AEBP2: variants seen among roughly 807,000 people sequenced by gnomAD.
AEBP2 encodes the protein AE binding protein 2, also known as zinc finger protein AEBP2.
A neutral mutation model predicts 50.8 loss-of-function variants in AEBP2; 10 were observed. That is an observed-to-expected ratio of 0.20 (90% CI 0.12 to 0.33). The LOEUF (loss-of-function observed/expected upper bound fraction) is 0.33. Ranked by LOEUF, AEBP2 falls within the 10% of genes least tolerant of loss-of-function variation. The pLI is 1.00. For missense variants in AEBP2, 570 were observed against 688.0 expected (o/e 0.83, Z 1.92); for synonymous variants, 296 against 261.3 (o/e 1.13, Z -1.28).
At chr12:19,504,475 T>A (rs1368507030) in intron 5 of AEBP2, among the ~76,000 whole-genome samples, 1 of 151,786 alleles carries the variant, frequency 6.6e-6, no homozygotes, top group Non-Finnish European at 1.5e-5. Flanking sequence ...CTCCTGACCT[T>A]GTGATCCACC....
intron 2 of AEBP2, among the ~76,000 whole-genome samples, chr12:19,467,465 TG>T (rs1431389068): frequency 1.3e-5 from 2 of 152,102 alleles, no homozygotes; most frequent in Admixed American, 6.5e-5. Context: ...GACTTACTTT[TG>T]TATTTTTAGT....
chr12:19,509,062 T>G (rs748205201), intron 5 of AEBP2: 1 of 582,594 alleles, frequency 1.7e-6, no homozygotes, highest in Non-Finnish European at 3.2e-6. Flanking sequence ...CAGGCAGACA[T>G]GGAGGGGTTC....
intron 2 of AEBP2, among the ~76,000 whole-genome samples, chr12:19,467,740 ATTACTG>A (rs1948503540): frequency 1.3e-5 from 2 of 152,188 alleles, no homozygotes; most frequent in Admixed American, 6.5e-5. Flanking sequence ...TGTAAAATAT[ATTACTG>A]TTCTTTCTTA....
chr12:19,440,344 C>G lies in AEBP2; in HGVS notation c.645C>G (p.Pro215=). The change falls in exon 1 of 8, where the codon CCC becomes CCG. Residue 215 remains proline, a synonymous_variant. Coordinates refer to ENST00000266508, the MANE Select transcript of AEBP2 (RefSeq NM_153207.5). ...GSLEMSSDGE[P]LSRMDSEDSI... Reference sequence around the variant, plus strand: ...TGGAGATGTCGTCGGATGGGGAACCCCTGAGCCGCATGGACTCGGAGGACA... The same window carrying G: ...TGGAGATGTCGTCGGATGGGGAACCGCTGAGCCGCATGGACTCGGAGGACA... 1 of 1,470,740 alleles carries G rather than the reference C, an allele frequency of 6.8e-7. No individual in the cohort carries two copies. The highest frequency in any genetic ancestry group is 8.9e-7 in the Non-Finnish European group (1 of 1,118,708). The allele number at this position is 1,470,740 out of a possible 1,614,324, so 91.1% of individuals were successfully genotyped here.
chr12:19,458,586 C>T (rs925673641), intron 1 of AEBP2, among the ~76,000 whole-genome samples: 1 of 152,088 alleles, frequency 6.6e-6, no homozygotes, highest in East Asian at 1.9e-4. Flanking sequence ...CAATGATTAC[C>T]GTTACCAGAT....
intron 4 of AEBP2, among the ~76,000 whole-genome samples, chr12:19,497,328 G>GATTTTTTTTTT (rs1555186666): frequency 1.3e-5 from 1 of 78,708 alleles, no homozygotes; most frequent in African/African-American, 5.1e-5. Flanking sequence ...TTCCAAAGGT[G>GATTTTTTTTTT]TTTTTTTTTT....
intron 1 of AEBP2, among the ~76,000 whole-genome samples, chr12:19,458,117 A>G (rs1245291986): frequency 1.3e-5 from 2 of 152,228 alleles, no homozygotes; most frequent in Non-Finnish European, 2.9e-5. Context: ...AACGTATTAT[A>G]GGAGGAAGGG....
intron 1 of AEBP2, chr12:19,456,701 A>C (rs1948274861): frequency 6.3e-7 from 1 of 1,581,550 alleles, no homozygotes; most frequent in African/African-American, 1.3e-5. Flanking sequence ...CATTCTTGAC[A>C]TTGAAGCCCA....
chr12:19,479,660 T>G (rs554739051), intron 3 of AEBP2, among the ~76,000 whole-genome samples: 1 of 151,796 alleles, frequency 6.6e-6, no homozygotes, highest in East Asian at 1.9e-4. Flanking sequence ...TATTTAGGAT[T>G]GTTATTTTCC....
intron 3 of AEBP2, among the ~76,000 whole-genome samples, chr12:19,485,948 C>CTTTT (rs60355570): frequency 4.4e-5 from 4 of 91,214 alleles, no homozygotes; most frequent in African/African-American, 8.1e-5. Context: ...TGAGCCTCTG[C>CTTTT]TTTTTTTTTT....
rs1354498715 is a variant in AEBP2, at chr12:19,439,570, G to C, written c.-130G>C. 4 of 1,237,246 alleles carry C rather than the reference G, an allele frequency of 3.2e-6. No individual in the cohort carries two copies. Among genetic ancestry groups the C allele is most frequent in the African/African-American group, 1.6e-5 (1 of 62,352 alleles). 76.6% of individuals were successfully genotyped at this position (1,237,246 alleles called of 1,614,324 possible). A position where few individuals can be genotyped will look rare whatever the true frequency, so the allele number is the denominator to read the frequency against. On this transcript the variant is annotated 5_prime_UTR_variant, in exon 1 of 8. Transcript: ENST00000266508. ...GCGCGTGTGCAGGCTGACGCAGCTC[G>C]CGGGCCCTCCTCCTGCTCTGCAGCG...
At chr12:19,479,352 A>G (rs1948693670) in intron 3 of AEBP2, among the ~76,000 whole-genome samples, 1 of 152,064 alleles carries the variant, frequency 6.6e-6, no homozygotes, top group African/African-American at 2.4e-5. Flanking sequence ...GAAGTCCCCC[A>G]CTATTATTTG....
chr12:19,481,187 G>A (rs950180828), intron 3 of AEBP2, among the ~76,000 whole-genome samples: 3 of 129,706 alleles, frequency 2.3e-5, no homozygotes, highest in African/African-American at 5.8e-5. Context: ...TTCAACCTCC[G>A]CCTTCCAGGT....
chr12:19,439,960 C>A lies in AEBP2; in HGVS notation c.261C>A (p.Pro87=). The A allele has an allele frequency of 2.6e-6, 4 of 1,517,938 alleles. No homozygotes were observed. Among genetic ancestry groups the A allele is most frequent in the South Asian group, 1.2e-5 (1 of 83,130 alleles). 94.0% of individuals were successfully genotyped at this position (1,517,938 alleles called of 1,614,324 possible). ...GEAETMSEPS[P]ESASQAGEDE... ...CAGAGACGATGTCGGAGCCGAGCCC[C>A]GAGAGCGCCAGCCAGGCCGGGGAGG... The change falls in exon 1 of 8, where the codon CCC becomes CCA. Residue 87 remains proline, a synonymous_variant. Coordinates refer to ENST00000266508, the MANE Select transcript of AEBP2 (RefSeq NM_153207.5).
chr12:19,423,427 A>T (rs2095746900), intron 1 of AEBP2, among the ~76,000 whole-genome samples: 1 of 152,192 alleles, frequency 6.6e-6, no homozygotes, highest in East Asian at 1.9e-4. Context: ...GCATGCTTGA[A>T]GACAGAGTGA....
chr12:19,506,046 C>T (rs1190903059), intron 5 of AEBP2, among the ~76,000 whole-genome samples: 1 of 151,958 alleles, frequency 6.6e-6, no homozygotes, highest in Middle Eastern at 3.2e-3. Flanking sequence ...CTGGCTTTGC[C>T]TCCCAGAGTG....
intron 1 of AEBP2, among the ~76,000 whole-genome samples, chr12:19,443,185 C>T (rs1372917496): frequency 1.3e-5 from 2 of 151,328 alleles, no homozygotes; most frequent in African/African-American, 2.4e-5. Flanking sequence ...CAACCTCTGC[C>T]TTGTGGGTTC....
At chr12:19,500,256 A>C (rs1949047503) in intron 5 of AEBP2, 35 bp downstream of exon 5, 1 of 1,387,484 alleles carries the variant, frequency 7.2e-7, no homozygotes, top group African/African-American at 1.5e-5. Flanking sequence ...ATTAAATATA[A>C]AACTTTGCAA....
intron 1 of AEBP2, chr12:19,457,380 A>C (rs1419833272): frequency 1.2e-5 from 17 of 1,440,046 alleles, no homozygotes; most frequent in Middle Eastern, 2.1e-4. Context: ...TAGGGCATCA[A>C]TGATAGTCAC....
Sources: allele counts gnomAD v4.1 joint callset (sites outside exome capture counted in the v4.1 genomes callset), GRCh38; gene constraint gnomAD v4.1.1; transcripts MANE v1.5; gene names NCBI Gene and HGNC (gene_info 2026-07-23, HGNC 2026-07-21).